Variants in ARHGEF28 observed in about 807,000 individuals in gnomAD.
The protein encoded by ARHGEF28 is Rho guanine nucleotide exchange factor 28.
Under a neutral mutation model 206.6 loss-of-function variants are expected in ARHGEF28, and 152 were observed. The observed-to-expected ratio is 0.74, with a 90% CI of 0.64 to 0.84. ARHGEF28 has a LOEUF of 0.84. Ranked by LOEUF, ARHGEF28 falls within the 40% of genes least tolerant of loss-of-function variation. The pLI, the probability that ARHGEF28 is intolerant of heterozygous loss-of-function variation, is 0.00. For synonymous variants in ARHGEF28, 763 were observed against 776.4 expected (o/e 0.98, Z 0.29); for missense variants, 2,028 against 2,073.2 (o/e 0.98, Z 0.42).
intron 35 of ARHGEF28, among the ~76,000 whole-genome samples, chr5:73,914,313 T>C (rs566506998): frequency 1.3e-5 from 2 of 152,010 alleles, no homozygotes; most frequent in African/African-American, 4.8e-5. Context: ...AGCTAGTAAA[T>C]TGAACCTGGG....
intron 2 of ARHGEF28, among the ~76,000 whole-genome samples, chr5:73,687,756 TAGAA>T (rs1245019155): frequency 1.3e-5 from 2 of 151,930 alleles, no homozygotes; most frequent in Non-Finnish European, 1.5e-5. Flanking sequence ...TGTAAAATAT[TAGAA>T]AGAGACCCAG....
At chr5:73,745,285 A>G (rs1751663283) in intron 2 of ARHGEF28, among the ~76,000 whole-genome samples, 1 of 152,070 alleles carries the variant, frequency 6.6e-6, no homozygotes, top group African/African-American at 2.4e-5. Context: ...TAATACAGCC[A>G]CTCAATTACT....
chr5:73,671,891 G>A lies in ARHGEF28; in HGVS notation c.-11-12950G>A, dbSNP rs933999434. Among the ~76,000 whole-genome samples, 8 of 150,896 alleles carry A rather than the reference G, an allele frequency of 5.3e-5. No homozygotes were observed. In the South Asian group the frequency reaches 1.7e-3, roughly 32 times the overall value. ...CTGCCTCAGCCTCCAGAGTAGCTGGGATTACAGGCGTCTGCCACCACACCT... is the reference window on the plus strand; with the variant it reads ...CTGCCTCAGCCTCCAGAGTAGCTGGAATTACAGGCGTCTGCCACCACACCT... On this transcript the variant is annotated intron_variant, in intron 1 of 35. Coordinates refer to ENST00000513042, the MANE Select transcript of ARHGEF28 (RefSeq NM_001177693.2).
intron 9 of ARHGEF28, among the ~76,000 whole-genome samples, chr5:73,826,846 A>AT (rs1756943220): frequency 6.6e-6 from 1 of 152,086 alleles, no homozygotes; most frequent in Non-Finnish European, 1.5e-5. Context: ...GCTGATGAAA[A>AT]TTTTGACCTC....
intron 4 of ARHGEF28, among the ~76,000 whole-genome samples, chr5:73,756,917 T>C (rs902184728): frequency 1.3e-5 from 2 of 152,178 alleles, no homozygotes; most frequent in African/African-American, 2.4e-5. Context: ...AACAAGAGTA[T>C]TTGGTGAAGG....
chr5:73,930,455 G>A (rs942968372), intron 35 of ARHGEF28, among the ~76,000 whole-genome samples: 4 of 152,132 alleles, frequency 2.6e-5, no homozygotes, highest in South Asian at 2.1e-4. Context: ...TTTCAAATGT[G>A]TTCACTCTTA....
At chr5:73,631,939 T>C (rs1280083697) in intron 1 of ARHGEF28, among the ~76,000 whole-genome samples, 2 of 152,146 alleles carry the variant, frequency 1.3e-5, no homozygotes, top group African/African-American at 4.8e-5. Flanking sequence ...CACCCTCTCA[T>C]TTTTTACTTA....
Position 73,794,381 on chromosome 5 carries a change from T to G in ARHGEF28, c.911-21T>G, listed in dbSNP as rs193272520. The G allele has an allele frequency of 4.4e-5, 69 of 1,578,946 alleles. No homozygotes were observed. The African/African-American group carries it at 6.3e-4, about 15-fold the overall frequency. ...AACAAAAGCTCCCATCAGCAGATCC[T>G]GATAATTATTTCTTTTGCAGAGATT... On this transcript the variant is annotated intron_variant, in intron 7 of 35. Transcript: ENST00000513042.
At chr5:73,634,848 T>C (rs1743598348) in intron 1 of ARHGEF28, among the ~76,000 whole-genome samples, 1 of 152,260 alleles carries the variant, frequency 6.6e-6, no homozygotes, top group South Asian at 2.1e-4. Context: ...ATCAGTCTTC[T>C]ATGCTCTATC....
intron 1 of ARHGEF28, among the ~76,000 whole-genome samples, chr5:73,666,379 G>A (rs917951308): frequency 2.6e-5 from 4 of 152,190 alleles, no homozygotes; most frequent in Non-Finnish European, 4.4e-5. Flanking sequence ...GCAAGCTGGT[G>A]GCCCTACAGT....
chr5:73,855,993 A>G (rs1488942400), intron 14 of ARHGEF28, among the ~76,000 whole-genome samples: 1 of 152,140 alleles, frequency 6.6e-6, no homozygotes, highest in Non-Finnish European at 1.5e-5. Context: ...TTTAATTCCG[A>G]TATTAGGTCT....
At chr5:73,909,163 T>G in intron 33 of ARHGEF28, 26 of 392,782 alleles carry the variant, frequency 6.6e-5, no homozygotes, top group Admixed American at 8.1e-5. Flanking sequence ...CAGGAGAGGA[T>G]GATATTGCTT....
chr5:73,766,385 G>A (rs891990836), intron 4 of ARHGEF28, among the ~76,000 whole-genome samples: 1 of 152,152 alleles, frequency 6.6e-6, no homozygotes, highest in African/African-American at 2.4e-5. Flanking sequence ...TCCTGGTTTA[G>A]CAGTAAGTAA....
chr5:73,830,149 T>C (rs1318129498), intron 9 of ARHGEF28, among the ~76,000 whole-genome samples: 1 of 152,198 alleles, frequency 6.6e-6, no homozygotes, highest in Non-Finnish European at 1.5e-5. Context: ...AGAATATGCA[T>C]GGTCCAATGT....
chr5:73,703,441 C>G (rs999643507), intron 2 of ARHGEF28, among the ~76,000 whole-genome samples: 1 of 152,098 alleles, frequency 6.6e-6, no homozygotes, highest in East Asian at 1.9e-4. Flanking sequence ...ATCTCAGGCC[C>G]TGGGCCTGGC....
chr5:73,755,366 C>T (rs1219509070), intron 4 of ARHGEF28, among the ~76,000 whole-genome samples: 1 of 151,922 alleles, frequency 6.6e-6, no homozygotes, highest in African/African-American at 2.4e-5. Flanking sequence ...TCATGATTTC[C>T]CATGAGTAAA....
intron 2 of ARHGEF28, among the ~76,000 whole-genome samples, chr5:73,737,379 C>T (rs991055469): frequency 6.6e-6 from 1 of 151,668 alleles, no homozygotes; most frequent in Non-Finnish European, 1.5e-5. Flanking sequence ...TGCTTGCCCC[C>T]GTCATCACTC....
rs183711131 is a variant in ARHGEF28, at chr5:73,768,025, C to G, written c.476-5830C>G. Among the ~76,000 whole-genome samples the G allele has an allele frequency of 5.4e-3, 830 of 152,298 alleles. 13 individuals are homozygous for G. The highest frequency in any genetic ancestry group is 0.015 in the African/African-American group (629 of 41,532). On this transcript the variant is annotated intron_variant, in intron 4 of 35. Coordinates refer to ENST00000513042, the MANE Select transcript of ARHGEF28 (RefSeq NM_001177693.2). Reference sequence around the variant, plus strand: ...GGCTTCTGAGGCTGCAAACCTCAAGCCTTGGCAGCCTCCACATGGTGTTGA... The same window carrying G: ...GGCTTCTGAGGCTGCAAACCTCAAGGCTTGGCAGCCTCCACATGGTGTTGA...
At chr5:73,897,852 G>T in intron 29 of ARHGEF28, 110 bp from the exon 30 acceptor site, 1 of 1,229,932 alleles carries the variant, frequency 8.1e-7, no homozygotes, top group Non-Finnish European at 1.1e-6. Context: ...TTAGCCCCTG[G>T]GTCCTATAAA....
Sources: gnomAD v4.1 joint callset for allele counts (sites outside exome capture counted in the v4.1 genomes callset) on GRCh38, gnomAD v4.1.1 for gene constraint, MANE v1.5 for transcripts, NCBI Gene and HGNC (gene_info 2026-07-23, HGNC 2026-07-21) for gene names.